Variants in MGAT4D observed in about 807,000 individuals in gnomAD.
MGAT4D encodes the protein MGAT4 family member D.
Under a neutral mutation model 15.9 loss-of-function variants are expected in MGAT4D, and 34 were observed. The observed-to-expected ratio is 2.14, with a 90% CI of 1.62 to 2.84. The LOEUF (loss-of-function observed/expected upper bound fraction) is 2.84. Among genes scored for constraint, MGAT4D ranks in the 30% most tolerant of loss-of-function variants. The probability of loss-of-function intolerance (pLI) is 0.00; values close to 1 mark genes in which losing one functional copy is unlikely to be tolerated. For missense variants in MGAT4D, 327 were observed against 140.2 expected (o/e 2.33, Z -6.73); for synonymous variants, 112 against 48.2 (o/e 2.33, Z -5.49).
intron 5 of MGAT4D, among the ~76,000 whole-genome samples, chr4:140,467,914 A>G (rs1731647519): frequency 6.6e-6 from 1 of 152,020 alleles, no homozygotes; most frequent in Non-Finnish European, 1.5e-5. Flanking sequence ...ATCCAAATAT[A>G]AAACAATCTC....
rs1330871277 is a variant in MGAT4D at position 140,462,017 on chromosome 4, A to G, written c.687-13T>C. 2.9e-6 allele frequency: 2 copies of G among 699,798 alleles called. No individual in the cohort carries two copies. Among genetic ancestry groups the G allele is most frequent in the Non-Finnish European group, 5.2e-6 (2 of 383,432 alleles). The allele number at this position is 699,798 out of a possible 1,614,324, so 43.3% of individuals were successfully genotyped here. A position where few individuals can be genotyped will look rare whatever the true frequency, so the allele number is the denominator to read the frequency against. On this transcript the variant is annotated splice_polypyrimidine_tract_variant and intron_variant, in intron 6 of 10. Transcript: ENST00000511113. ...TTTGATTCGCCAACTAAAGGTAATCAATAAGATCTGTTAATATTTGTCATT... is the reference window on the plus strand; with the variant it reads ...TTTGATTCGCCAACTAAAGGTAATCGATAAGATCTGTTAATATTTGTCATT...
intron 10 of MGAT4D, among the ~76,000 whole-genome samples, chr4:140,446,743 GTTTTTTTTTTTTTTTTT>G (rs149442061): frequency 9.8e-4 from 8 of 8,168 alleles, no homozygotes; most frequent in East Asian, 3.4e-3. Flanking sequence ...TGCTTCTCTA[GTTTTTTTTTTTTTTTTT>G]TTTTTTTTTT....
At chr4:140,453,674 GA>G (rs2126689000) in intron 9 of MGAT4D, among the ~76,000 whole-genome samples, 1 of 151,960 alleles carries the variant, frequency 6.6e-6, no homozygotes, top group South Asian at 2.1e-4. Flanking sequence ...GAAAGTGAGT[GA>G]GTTCTCATGA....
intron 10 of MGAT4D, among the ~76,000 whole-genome samples, chr4:140,450,514 C>G (rs1319067815): frequency 6.6e-6 from 1 of 152,112 alleles, no homozygotes; most frequent in Admixed American, 6.6e-5. Context: ...TATTGGATTC[C>G]ACCTTGCTTG....
intron 10 of MGAT4D, among the ~76,000 whole-genome samples, chr4:140,446,712 G>A (rs1168116317): frequency 2.0e-5 from 2 of 101,964 alleles, no homozygotes; most frequent in East Asian, 3.2e-4. Context: ...TATTCTGGTA[G>A]CTTTGGAGCT....
At chr4:140,463,905 T>C (rs899945655) in intron 6 of MGAT4D, among the ~76,000 whole-genome samples, 1 of 152,086 alleles carries the variant, frequency 6.6e-6, no homozygotes, top group African/African-American at 2.4e-5. Flanking sequence ...GAAGAATGAA[T>C]TGTAAGAGAG....
intron 10 of MGAT4D, among the ~76,000 whole-genome samples, chr4:140,447,803 G>C (rs1730227122): frequency 6.6e-6 from 1 of 152,130 alleles, no homozygotes; most frequent in African/African-American, 2.4e-5. Context: ...TAATGTCACT[G>C]GTCTGTGTAC....
At chr4:140,454,449 A>G (rs1730669628) in intron 9 of MGAT4D, among the ~76,000 whole-genome samples, 1 of 152,148 alleles carries the variant, frequency 6.6e-6, no homozygotes, top group Admixed American at 6.6e-5. Flanking sequence ...TTCATAGGAT[A>G]AATACCAATT....
intron 1 of MGAT4D, among the ~76,000 whole-genome samples, chr4:140,487,892 G>A (rs1270705551): frequency 6.6e-6 from 1 of 152,162 alleles, no homozygotes; most frequent in Non-Finnish European, 1.5e-5. Context: ...CATCAGCTGT[G>A]AGCTTGTTAG....
intron 4 of MGAT4D, 138 bp downstream of exon 4, chr4:140,474,675 C>T: frequency 2.4e-6 from 1 of 421,948 alleles, no homozygotes; most frequent in Non-Finnish European, 4.2e-6. Context: ...GTCTGGTATC[C>T]AAAAAAGGCA....
chr4:140,491,911 G>A (rs1310452690), intron 1 of MGAT4D, among the ~76,000 whole-genome samples: 1 of 152,010 alleles, frequency 6.6e-6, no homozygotes, highest in Non-Finnish European at 1.5e-5. Flanking sequence ...GAGGAGGGGG[G>A]TGCAGCAGAC....
chr4:140,457,251 A>G lies in MGAT4D; in HGVS notation c.878-532T>C, dbSNP rs149087382. 1.5e-4 allele frequency: 23 copies of G among 151,926 alleles called. No individual in the cohort carries two copies. The East Asian group carries it at 2.5e-3, about 17-fold the overall frequency. The allele number at this position is 151,926 out of a possible 1,614,324, so 9.4% of individuals were successfully genotyped here. A position where few individuals can be genotyped will look rare whatever the true frequency, so the allele number is the denominator to read the frequency against. On this transcript the variant is annotated intron_variant, in intron 8 of 10. Transcript: ENST00000511113. The stretch of plus-strand genomic sequence containing the variant: ...TTTAAATATTATTCCATTAGGTCTA[A>G]TAGTTTTTTTCTTATATACTGCATC...
chr4:140,483,104 C>T (rs919379557), intron 1 of MGAT4D, among the ~76,000 whole-genome samples: 4 of 152,028 alleles, frequency 2.6e-5, no homozygotes, highest in African/African-American at 9.7e-5. Context: ...TTTTATTTGC[C>T]TCTGCTCCTT....
chr4:140,498,083 A>C (rs1733958541), intron 1 of MGAT4D, 46 bp downstream of exon 1: 1 of 693,506 alleles, frequency 1.4e-6, no homozygotes, highest in African/African-American at 1.8e-5. Context: ...GCAGCCCCGA[A>C]GCCCCCGCGG....
chr4:140,458,372 G>C (rs1730945820), intron 8 of MGAT4D: 1 of 152,138 alleles, frequency 6.6e-6, no homozygotes, highest in African/African-American at 2.4e-5. Context: ...GCCTTCTGAT[G>C]ATAAATCCAC....
At chr4:140,454,834 T>C (rs1430645952) in intron 9 of MGAT4D, among the ~76,000 whole-genome samples, 1 of 152,148 alleles carries the variant, frequency 6.6e-6, no homozygotes, top group East Asian at 1.9e-4. Flanking sequence ...CTTACAATTT[T>C]TGGTGGATTT....
chr4:140,460,262 G>A (rs1333435890), intron 7 of MGAT4D, among the ~76,000 whole-genome samples: 1 of 152,114 alleles, frequency 6.6e-6, no homozygotes, highest in Non-Finnish European at 1.5e-5. Flanking sequence ...ACCATAGAAT[G>A]GGTAGTTTAT....
At chr4:140,457,356 T>C (rs981143720) in intron 8 of MGAT4D, 1 of 152,156 alleles carries the variant, frequency 6.6e-6, no homozygotes, top group Non-Finnish European at 1.5e-5. Flanking sequence ...ATACATCTAA[T>C]GATTTGATAA....
chr4:140,462,871 C>T (rs1731286467), intron 6 of MGAT4D, among the ~76,000 whole-genome samples: 1 of 152,110 alleles, frequency 6.6e-6, no homozygotes, highest in Admixed American at 6.5e-5. Flanking sequence ...AGAACAGTGC[C>T]TGGAGACTCA....
Sources: allele counts gnomAD v4.1 joint callset (sites outside exome capture counted in the v4.1 genomes callset), GRCh38; gene constraint gnomAD v4.1.1; transcripts MANE v1.5; gene names NCBI Gene and HGNC (gene_info 2026-07-23, HGNC 2026-07-21).